Variants in ZBTB4 observed in about 807,000 individuals in gnomAD.
ZBTB4 encodes the protein zinc finger and BTB domain containing 4, also known as zinc finger and BTB domain-containing protein 4.
Under a neutral mutation model 59.8 loss-of-function variants are expected in ZBTB4, and 14 were observed. That is an observed-to-expected ratio of 0.23 (90% CI 0.15 to 0.37). The LOEUF (loss-of-function observed/expected upper bound fraction) is 0.37, where lower values mean the gene tolerates loss of function less well. Ranked by LOEUF, ZBTB4 falls within the 10% of genes least tolerant of loss-of-function variation. The pLI, the probability that ZBTB4 is intolerant of heterozygous loss-of-function variation, is 1.00. For missense variants in ZBTB4, 1,198 were observed against 1,380.8 expected, an observed-to-expected ratio of 0.87 and a Z score of 2.10; for synonymous variants, 587 against 575.2, an observed-to-expected ratio of 1.02 and a Z score of -0.29.
upstream of ZBTB4, chr17:7,481,432 C>T: frequency 7.2e-7 from 1 of 1,382,366 alleles, no homozygotes; most frequent in South Asian, 1.8e-5. Context: ...GAACCCCACC[C>T]CCACTCCAAC....
At chr17:7,481,643 C>G, upstream of ZBTB4, 3 of 724,680 alleles carry the variant, frequency 4.1e-6, no homozygotes, top group Non-Finnish European at 6.6e-6. Flanking sequence ...AATGGTGTAC[C>G]CAGATGTCTC....
chr17:7,467,982 C>T lies in ZBTB4; in HGVS notation c.-80-655G>A, dbSNP rs963361514. 7.2e-5 allele frequency among the ~76,000 whole-genome samples: 11 copies of T among 152,212 alleles called. No individual in the cohort carries two copies. In the South Asian group the frequency reaches 2.1e-3, roughly 29 times the overall value. ...CACAAGACCAGGAGGCCTGGTCCCA[C>T]GCCTTACTCAGAGACCTGATGCCCT... On this transcript the variant is annotated intron_variant, in intron 1 of 3. Transcript: ENST00000380599.
chr17:7,481,877 C>T (rs1040359980), upstream of ZBTB4: 56 of 1,417,322 alleles, frequency 4.0e-5, 1 homozygote, highest in Non-Finnish European at 5.2e-5. Context: ...AGCAAGATAG[C>T]CCAACACTGT....
chr17:7,474,745 C>T (rs555831388), intron 1 of ZBTB4, among the ~76,000 whole-genome samples: 13 of 152,040 alleles, frequency 8.6e-5, no homozygotes, highest in African/African-American at 1.7e-4. Context: ...GGCACAGTGG[C>T]GCACACCTGT....
chr17:7,463,200 C>A lies in ZBTB4; in HGVS notation c.1782G>T (p.Gln594His), dbSNP rs1330272521. 6.2e-7 allele frequency: 1 copy of A among 1,608,650 alleles called. No homozygotes were observed. The highest frequency in any genetic ancestry group is 8.5e-7 in the Non-Finnish European group (1 of 1,179,134). Residue 594 changes from glutamine to histidine, a missense_variant, in exon 4 of 4, where the codon CAG becomes CAT. Gln to His is a conservative substitution (Grantham distance 24, BLOSUM62 0). Around this residue, in one of 9 missense-constraint regions of ZBTB4, gnomAD observed 550 missense variants for 541.8 expected, o/e 1.02. Coordinates refer to ENST00000380599, the MANE Select transcript of ZBTB4 (RefSeq NM_001128833.2). ...GACACAGTGGAGGTGGAGCCTGCAGCTGAGAGGGGCCCCGGCCAGCCCCTG... is the reference window on the plus strand; with the variant it reads ...GACACAGTGGAGGTGGAGCCTGCAGATGAGAGGGGCCCCGGCCAGCCCCTG... ...PPTGAGRGPS[Q>H]LQAPPPLCQI...
At chr17:7,473,277 T>A (rs1005637630) in intron 1 of ZBTB4, among the ~76,000 whole-genome samples, 2 of 151,946 alleles carry the variant, frequency 1.3e-5, no homozygotes, top group Non-Finnish European at 2.9e-5. Flanking sequence ...CACTCCCGGC[T>A]AATTTTTTTT....
chr17:7,481,619 C>A, upstream of ZBTB4: 1 of 836,566 alleles, frequency 1.2e-6, no homozygotes, highest in Non-Finnish European at 1.8e-6. Flanking sequence ...GAGATACCCA[C>A]AAATAGAATT....
At chr17:7,481,429 AC>A, upstream of ZBTB4, 2 of 1,375,322 alleles carry the variant, frequency 1.5e-6, no homozygotes, top group Non-Finnish European at 1.9e-6. Flanking sequence ...GAAGAACCCC[AC>A]CCCCACTCCA....
chr17:7,462,148 G>C lies in ZBTB4; in HGVS notation c.2834C>G (p.Pro945Arg). The C allele has an allele frequency of 6.2e-7, 1 of 1,613,868 alleles. No homozygotes were observed. Among genetic ancestry groups the C allele is most frequent in the Non-Finnish European group, 8.5e-7 (1 of 1,179,888 alleles). ...AGGTAGGACCATGTTGAGAGCAACC[G>C]GGAGAGCGGCCAAGTTACTGAAGTT... is the stretch of plus-strand genomic sequence containing the variant. ...PYNFSNLAAL[P>R]VALNMVLPDE... Residue 945 changes from proline (P) to arginine (R), a missense_variant, in exon 4 of 4, where the codon CCG becomes CGG. Transcript: ENST00000380599. This position sits in a 1 kb window ranked among gnomAD's most constrained non-coding sequence, Gnocchi z 7.5.
upstream of ZBTB4, chr17:7,481,324 T>G: frequency 1.0e-6 from 1 of 968,742 alleles, no homozygotes; most frequent in Non-Finnish European, 1.4e-6. Flanking sequence ...GAGTGGAAAC[T>G]TCGTCGCAAA....
In ZBTB4 at chr17:7,466,153, T is replaced by C; in HGVS notation, c.649A>G (p.Arg217Gly). ...AAGTCAGGGGCCTGGGCCTCAGCCC[T>C]GTCACCCTCCCACTCCCCAGCTGGC... The part of the protein sequence containing the change: ...PRPAGEWEGD[R>G]AEAQAPDLQC... The change falls in exon 3 of 4, where the codon AGG becomes GGG. Residue 217 changes from arginine to glycine, a missense_variant. Arg to Gly is a moderately radical substitution (Grantham distance 125, BLOSUM62 -2). Around this residue, in one of 9 missense-constraint regions of ZBTB4, gnomAD observed 204 missense variants for 205.5 expected, o/e 0.99. Transcript: ENST00000380599. This position sits in a 1 kb window ranked among gnomAD's most constrained non-coding sequence, Gnocchi z 9.1. The C allele has an allele frequency of 1.2e-6, 2 of 1,612,796 alleles. No individual in the cohort carries two copies. The highest frequency in any genetic ancestry group is 1.7e-6 in the Non-Finnish European group (2 of 1,179,752).
intron 1 of ZBTB4, among the ~76,000 whole-genome samples, chr17:7,478,762 G>T (rs1001236673): frequency 6.6e-6 from 1 of 152,182 alleles, no homozygotes; most frequent in African/African-American, 2.4e-5. Context: ...AAGCCACAGG[G>T]CTCGTCTTGT....
chr17:7,479,873 G>C (rs1455653594), upstream of ZBTB4, among the ~76,000 whole-genome samples: 1 of 151,788 alleles, frequency 6.6e-6, no homozygotes, highest in Non-Finnish European at 1.5e-5. Context: ...CGGCAGGGGC[G>C]CAAGACCACC....
At chr17:7,476,769 C>T (rs550443172) in intron 1 of ZBTB4, among the ~76,000 whole-genome samples, 2 of 152,184 alleles carry the variant, frequency 1.3e-5, no homozygotes, top group African/African-American at 2.4e-5. Flanking sequence ...TTCTCATGCC[C>T]TCAGCTGGGG....
At chr17:7,479,102 C>A (rs2070308788) in intron 1 of ZBTB4, among the ~76,000 whole-genome samples, 1 of 152,114 alleles carries the variant, frequency 6.6e-6, no homozygotes, top group Admixed American at 6.5e-5. Context: ...CTCACACCCG[C>A]CCCACCCCAC....
At chr17:7,472,803 GTTAAT>G (rs1250907735) in intron 1 of ZBTB4, among the ~76,000 whole-genome samples, 1 of 151,586 alleles carries the variant, frequency 6.6e-6, no homozygotes, top group East Asian at 2.0e-4. Context: ...ACAATGCCCA[GTTAAT>G]TTATTTTTTA....
Position 7,462,492 on chromosome 17 carries a change from C to T in ZBTB4, c.2490G>A (p.Glu830=). The T allele has an allele frequency of 6.2e-7, 1 of 1,614,014 alleles. No homozygotes were observed. Among genetic ancestry groups the T allele is most frequent in the African/African-American group, 1.3e-5 (1 of 75,062 alleles). Residue 830 remains glutamate, a synonymous_variant, in exon 4 of 4, where the codon GAG becomes GAA. Coordinates refer to ENST00000380599, the MANE Select transcript of ZBTB4 (RefSeq NM_001128833.2). This position sits in a 1 kb window ranked among gnomAD's most constrained non-coding sequence, Gnocchi z 7.5. ...CAGCAGCAGTGCTCCCGCCACCTGC[C>T]TCACCGCTGGATGAGGAGACTTGCA... The part of the protein sequence containing the change: ...QEMQVSSSSG[E]AGGGSTAAEE...
At chr17:7,482,513 C>G, upstream of ZBTB4, 1 of 1,613,496 alleles carries the variant, frequency 6.2e-7, no homozygotes, top group Non-Finnish European at 8.5e-7. Flanking sequence ...GGGACCTGGA[C>G]TCTGGACACT....
chr17:7,476,873 A>C (rs1049171852), intron 1 of ZBTB4, among the ~76,000 whole-genome samples: 1 of 152,174 alleles, frequency 6.6e-6, no homozygotes, highest in African/African-American at 2.4e-5. Context: ...GTTGCACAGA[A>C]AGGACCATCC....
Sources: gnomAD v4.1 joint callset for allele counts (sites outside exome capture counted in the v4.1 genomes callset) on GRCh38, gnomAD v4.1.1 for gene constraint, gnomAD v4.1.1 regional missense constraint, Gnocchi (gnomAD v3.1) non-coding constraint, MANE v1.5 for transcripts, NCBI Gene and HGNC (gene_info 2026-07-23, HGNC 2026-07-21) for gene names.